CDKAL1: variants seen among roughly 807,000 people sequenced by gnomAD.
The protein encoded by CDKAL1 is CDKAL1 threonylcarbamoyladenosine tRNA methylthiotransferase, also known as threonylcarbamoyladenosine tRNA methylthiotransferase.
CDKAL1 carries 32 observed loss-of-function variants against 68.2 expected under a neutral mutation model. The observed-to-expected ratio is 0.47, with a 90% CI of 0.35 to 0.63. The LOEUF (loss-of-function observed/expected upper bound fraction) is 0.63, where lower values mean the gene tolerates loss of function less well. Among genes scored for constraint, CDKAL1 ranks in the 30% least tolerant of loss-of-function variants. The pLI, the probability that CDKAL1 is intolerant of heterozygous loss-of-function variation, is 0.00. For synonymous variants in CDKAL1, 234 were observed against 244.3 expected (o/e 0.96, Z 0.39); for missense variants, 606 against 696.7 (o/e 0.87, Z 1.47).
intron 8 of CDKAL1, among the ~76,000 whole-genome samples, chr6:20,843,261 A>G (rs1319001511): frequency 2.0e-5 from 3 of 151,982 alleles, no homozygotes; most frequent in Non-Finnish European, 4.4e-5. Context: ...TGAGTATTTT[A>G]CATGTATCAA....
At chr6:21,222,063 C>T (rs1049631339) in intron 15 of CDKAL1, among the ~76,000 whole-genome samples, 16 of 152,192 alleles carry the variant, frequency 1.1e-4, no homozygotes. Flanking sequence ...AGAATATAAT[C>T]TGAAATGCAT....
chr6:20,944,931 C>T (rs1191105149), intron 9 of CDKAL1, among the ~76,000 whole-genome samples: 1 of 152,120 alleles, frequency 6.6e-6, no homozygotes, highest in East Asian at 1.9e-4. Flanking sequence ...TCTGTCAGAC[C>T]TTCCTATTCT....
chr6:21,216,434 C>T (rs555853317), intron 15 of CDKAL1, among the ~76,000 whole-genome samples: 4 of 152,074 alleles, frequency 2.6e-5, no homozygotes, highest in African/African-American at 9.6e-5. Context: ...CACCACTAAA[C>T]TATAGCCTGG....
At chr6:20,554,536 A>T (rs528785147) in intron 4 of CDKAL1, among the ~76,000 whole-genome samples, 1 of 152,216 alleles carries the variant, frequency 6.6e-6, no homozygotes, top group South Asian at 2.1e-4. Context: ...ATGTGCTATG[A>T]TGTTGCACAA....
chr6:21,068,462 T>C (rs1047303203), intron 12 of CDKAL1, among the ~76,000 whole-genome samples: 5 of 152,184 alleles, frequency 3.3e-5, no homozygotes, highest in Non-Finnish European at 4.4e-5. Context: ...AGCTATCCAT[T>C]TGAGTCAATG....
intron 5 of CDKAL1, among the ~76,000 whole-genome samples, chr6:20,659,247 A>G (rs184242356): frequency 7.4e-4 from 113 of 152,352 alleles, no homozygotes; most frequent in Admixed American, 2.0e-3. Flanking sequence ...TATTTGAGTT[A>G]TACTTTAAAT....
intron 8 of CDKAL1, among the ~76,000 whole-genome samples, chr6:20,838,727 C>T (rs974314920): frequency 6.6e-6 from 1 of 152,074 alleles, no homozygotes; most frequent in Non-Finnish European, 1.5e-5. Context: ...AATCCCAGCA[C>T]TTTGGAAGGC....
chr6:20,678,092 T>G (rs899555669), intron 5 of CDKAL1, among the ~76,000 whole-genome samples: 78 of 50,976 alleles, frequency 1.5e-3, no homozygotes, highest in African/African-American at 0.014. Flanking sequence ...ATCTGTGTTG[T>G]TTTTTTTTTT....
intron 15 of CDKAL1, among the ~76,000 whole-genome samples, chr6:21,205,814 A>G (rs1198363481): frequency 3.1e-5 from 4 of 127,202 alleles, no homozygotes; most frequent in African/African-American, 1.2e-4. Flanking sequence ...TACATGCGTG[A>G]GCCCCCGCGC....
At chr6:21,185,127 A>G (rs566066524) in intron 13 of CDKAL1, among the ~76,000 whole-genome samples, 33 of 152,054 alleles carry the variant, frequency 2.2e-4, no homozygotes, top group African/African-American at 7.2e-4. Context: ...TCCTATCTAC[A>G]TCTGTGATAA....
chr6:20,638,413 G>C (rs1768001335), intron 4 of CDKAL1, among the ~76,000 whole-genome samples: 1 of 151,944 alleles, frequency 6.6e-6, no homozygotes, highest in African/African-American at 2.4e-5. Context: ...AAGTTTTTGA[G>C]TTTTGTATGT....
chr6:20,738,259 A>C (rs1773285697), intron 5 of CDKAL1, among the ~76,000 whole-genome samples: 1 of 152,134 alleles, frequency 6.6e-6, no homozygotes, highest in African/African-American at 2.4e-5. Context: ...AAGACTTGAA[A>C]ATTTAATTTT....
At chr6:20,854,383 A>T (rs1439453845) in intron 9 of CDKAL1, among the ~76,000 whole-genome samples, 1 of 152,230 alleles carries the variant, frequency 6.6e-6, no homozygotes, top group Non-Finnish European at 1.5e-5. Flanking sequence ...TAACTAAGGT[A>T]ACTATTGGAA....
At chr6:20,983,922 C>T (rs531496521) in intron 10 of CDKAL1, among the ~76,000 whole-genome samples, 31 of 152,262 alleles carry the variant, frequency 2.0e-4, no homozygotes, top group African/African-American at 7.2e-4. Context: ...GAGAGGATTA[C>T]AGGTAGATCA....
intron 10 of CDKAL1, among the ~76,000 whole-genome samples, chr6:20,958,611 G>A (rs961651719): frequency 6.6e-6 from 1 of 152,046 alleles, no homozygotes; most frequent in Non-Finnish European, 1.5e-5. Flanking sequence ...AACAGAAGAT[G>A]AAAACAGAAA....
chr6:20,726,049 C>T (rs1772639164), intron 5 of CDKAL1, among the ~76,000 whole-genome samples: 1 of 151,938 alleles, frequency 6.6e-6, no homozygotes, highest in African/African-American at 2.4e-5. Context: ...TAAAATGGCC[C>T]TGCAAAGCCA....
intron 11 of CDKAL1, among the ~76,000 whole-genome samples, chr6:21,018,284 G>A (rs759774044): frequency 2.6e-5 from 4 of 152,138 alleles, no homozygotes; most frequent in Non-Finnish European, 5.9e-5. Context: ...ATCAAGCCAC[G>A]GAAAATAAAT....
At chr6:21,146,850 CAAAAAAA>C (rs1194653980) in intron 13 of CDKAL1, among the ~76,000 whole-genome samples, 6 of 78,274 alleles carry the variant, frequency 7.7e-5, no homozygotes, top group African/African-American at 1.6e-4. Flanking sequence ...GACTCCGTCT[CAAAAAAA>C]AAAAAAAAAA....
intron 4 of CDKAL1, among the ~76,000 whole-genome samples, chr6:20,573,032 A>G (rs976373801): frequency 1.3e-5 from 2 of 152,202 alleles, no homozygotes; most frequent in Non-Finnish European, 2.9e-5. Flanking sequence ...GGGAAATTAT[A>G]TTAACATTTA....
Sources: allele counts gnomAD v4.1 joint callset (sites outside exome capture counted in the v4.1 genomes callset), GRCh38; gene constraint gnomAD v4.1.1; transcripts MANE v1.5; gene names NCBI Gene and HGNC (gene_info 2026-07-23, HGNC 2026-07-21).